Variants in PARM1 observed in about 807,000 individuals in gnomAD.
PARM1 encodes WSC4, cell wall integrity and stress response component 4 homolog.
Under a neutral mutation model 24.6 loss-of-function variants are expected in PARM1, and 14 were observed. The observed-to-expected ratio is 0.57, with a 90% CI of 0.38 to 0.89. PARM1 has a LOEUF of 0.89. Among genes scored for constraint, PARM1 ranks in the 40% least tolerant of loss-of-function variants. The pLI, the probability that PARM1 is intolerant of heterozygous loss-of-function variation, is 0.00. For missense variants in PARM1, 362 were observed against 380.4 expected, an observed-to-expected ratio of 0.95 and a Z score of 0.40; for synonymous variants, 179 against 156.6, an observed-to-expected ratio of 1.14 and a Z score of -1.07.
intron 1 of PARM1, among the ~76,000 whole-genome samples, chr4:74,940,361 G>A (rs957678460): frequency 6.6e-6 from 1 of 152,186 alleles, no homozygotes; most frequent in African/African-American, 2.4e-5. Flanking sequence ...ACCATAAACA[G>A]GGTGGCTTAT....
intron 1 of PARM1, among the ~76,000 whole-genome samples, chr4:75,002,455 ATT>A (rs34718906): frequency 1.4e-4 from 20 of 146,422 alleles, no homozygotes; most frequent in African/African-American, 5.0e-4. Context: ...TCCCATGAGA[ATT>A]TTTTTTTTTT....
chr4:74,994,696 G>T (rs777683040), intron 1 of PARM1, among the ~76,000 whole-genome samples: 3 of 151,904 alleles, frequency 2.0e-5, no homozygotes, highest in Non-Finnish European at 4.4e-5. Flanking sequence ...ACAGTCCTGA[G>T]GCAGGAGAAT....
At chr4:75,027,312 G>A (rs1203844270) in intron 2 of PARM1, among the ~76,000 whole-genome samples, 1 of 152,074 alleles carries the variant, frequency 6.6e-6, no homozygotes, top group Non-Finnish European at 1.5e-5. Context: ...GGCTTAAGGT[G>A]AGCCCATGGA....
chr4:74,952,728 C>T (rs115319753), intron 1 of PARM1, among the ~76,000 whole-genome samples: 6,251 of 152,226 alleles, frequency 0.041, 413 homozygotes, highest in African/African-American at 0.14. Flanking sequence ...CATAAGAAGT[C>T]AGATGAATCT....
At chr4:74,935,449 T>G (rs1177015831) in intron 1 of PARM1, among the ~76,000 whole-genome samples, 1 of 152,196 alleles carries the variant, frequency 6.6e-6, no homozygotes, top group African/African-American at 2.4e-5. Flanking sequence ...AAAATATCAT[T>G]TTTAAAGAAA....
At chr4:74,984,622 G>A (rs1033880587) in intron 1 of PARM1, among the ~76,000 whole-genome samples, 2 of 152,124 alleles carry the variant, frequency 1.3e-5, no homozygotes, top group Non-Finnish European at 2.9e-5. Flanking sequence ...GTTTCCTTAG[G>A]CTTAGAGATT....
At chr4:75,002,441 T>G (rs1308085003) in intron 1 of PARM1, among the ~76,000 whole-genome samples, 3 of 152,130 alleles carry the variant, frequency 2.0e-5, no homozygotes, top group Non-Finnish European at 4.4e-5. Flanking sequence ...TTTTATCTTT[T>G]TAGTCCCATG....
intron 2 of PARM1, among the ~76,000 whole-genome samples, chr4:75,015,578 T>G (rs1722969495): frequency 6.6e-6 from 1 of 152,224 alleles, no homozygotes; most frequent in Non-Finnish European, 1.5e-5. Context: ...TTTGAGATTT[T>G]ATAGTTTAAG....
rs903988335 is a variant in PARM1, at chr4:75,047,859, T to A, written c.*1612T>A. 1 of 152,254 alleles carries A rather than the reference T, an allele frequency of 6.6e-6. No homozygotes were observed. Among genetic ancestry groups the A allele is most frequent in the African/African-American group, 2.4e-5 (1 of 41,466 alleles). The allele number at this position is 152,254 out of a possible 1,614,324, so 9.4% of individuals were successfully genotyped here. A position where few individuals can be genotyped will look rare whatever the true frequency, so the allele number is the denominator to read the frequency against. ...TTCTTGGTATGCATGGTGACCTTTT[T>A]ATTTCTGTGTGCTTCCTAGAGAGCT... is the stretch of plus-strand genomic sequence containing the variant. On this transcript the variant is annotated 3_prime_UTR_variant, in exon 4 of 4. Coordinates refer to ENST00000307428, the MANE Select transcript of PARM1 (RefSeq NM_015393.4).
chr4:74,986,216 A>T (rs962967263), intron 1 of PARM1, among the ~76,000 whole-genome samples: 5 of 150,364 alleles, frequency 3.3e-5, no homozygotes, highest in East Asian at 3.9e-4. Context: ...TTTCCTGATT[A>T]AAAAAAAATG....
chr4:74,947,173 A>G (rs918598566), intron 1 of PARM1, among the ~76,000 whole-genome samples: 1 of 152,208 alleles, frequency 6.6e-6, no homozygotes, highest in African/African-American at 2.4e-5. Context: ...TATCCTATGA[A>G]GCAGTCTTGC....
intron 2 of PARM1, among the ~76,000 whole-genome samples, chr4:75,019,273 G>T (rs1426192067): frequency 1.3e-5 from 2 of 152,212 alleles, no homozygotes; most frequent in Non-Finnish European, 2.9e-5. Context: ...TTGGTGCTCA[G>T]TACATGCCTG....
chr4:74,935,224 G>A (rs1179782065), intron 1 of PARM1, among the ~76,000 whole-genome samples: 3 of 151,926 alleles, frequency 2.0e-5, no homozygotes, highest in Non-Finnish European at 4.4e-5. Context: ...CATTTCCCTA[G>A]TTATGCTTCG....
chr4:74,994,281 C>A (rs934595566), intron 1 of PARM1: 1 of 152,064 alleles, frequency 6.6e-6, no homozygotes, highest in African/African-American at 2.4e-5. Flanking sequence ...ATCCTGAGCC[C>A]CCAAATTAAG....
intron 1 of PARM1, among the ~76,000 whole-genome samples, chr4:74,948,954 G>A (rs774876693): frequency 6.6e-6 from 1 of 151,986 alleles, no homozygotes; most frequent in African/African-American, 2.4e-5. Flanking sequence ...CCCAGGAGGC[G>A]GAGGTTGCAG....
intron 1 of PARM1, among the ~76,000 whole-genome samples, chr4:74,950,946 A>G (rs1721510417): frequency 6.6e-6 from 1 of 152,172 alleles, no homozygotes; most frequent in Admixed American, 6.5e-5. Context: ...AAAATCAGGA[A>G]AAAGAAAAGG....
At chr4:74,994,869 A>G (rs1722548059) in intron 1 of PARM1, among the ~76,000 whole-genome samples, 1 of 152,076 alleles carries the variant, frequency 6.6e-6, no homozygotes. Flanking sequence ...GATTGTCACT[A>G]CAATAAGCTT....
At chr4:74,971,349 T>C (rs116566339) in intron 1 of PARM1, among the ~76,000 whole-genome samples, 1,812 of 152,286 alleles carry the variant, frequency 0.012, 32 homozygotes, top group African/African-American at 0.042. Flanking sequence ...ACCCTGTGAT[T>C]CAATTACCTC....
intron 1 of PARM1, among the ~76,000 whole-genome samples, chr4:74,974,637 C>T (rs58191374): frequency 6.6e-6 from 1 of 152,170 alleles, no homozygotes; most frequent in Non-Finnish European, 1.5e-5. Context: ...TTATTGTGAC[C>T]TCCCAAACTT....
Sources: gnomAD v4.1 joint callset for allele counts (sites outside exome capture counted in the v4.1 genomes callset) on GRCh38, gnomAD v4.1.1 for gene constraint, MANE v1.5 for transcripts, NCBI Gene and HGNC (gene_info 2026-07-23, HGNC 2026-07-21) for gene names.